FZR1: variants seen among roughly 807,000 people sequenced by gnomAD.
FZR1 encodes fizzy and cell division cycle 20 related 1.
FZR1 carries 11 observed loss-of-function variants against 63.6 expected under a neutral mutation model. The ratio of observed to expected loss-of-function variants is 0.17; its 90% CI spans 0.11 to 0.29. The LOEUF is 0.29. FZR1 is among the 10% of genes least tolerant of loss of function. The probability of loss-of-function intolerance (pLI) is 1.00; values close to 1 mark genes in which losing one functional copy is unlikely to be tolerated. For synonymous variants in FZR1, 328 were observed against 297.9 expected, an observed-to-expected ratio of 1.10 and a Z score of -1.04; for missense variants, 440 against 687.5, an observed-to-expected ratio of 0.64 and a Z score of 4.03.
Position 3,526,488 on chromosome 19 carries a change from G to A in FZR1, c.387+102G>A, listed in dbSNP as rs985381245. ...CTCTGCCTCCCCGAGCCCGGTTCTC[G>A]GGCCCAGCCACGGCTCAGCACCCCC... On this transcript the variant is annotated intron_variant, in intron 5 of 13. Coordinates refer to ENST00000441788, the MANE Select transcript of FZR1 (RefSeq NM_016263.4). This position sits in a 1 kb window ranked among gnomAD's most constrained non-coding sequence, Gnocchi z 5.4. 2.6e-5 allele frequency: 25 copies of A among 970,810 alleles called. No homozygotes were observed. The highest frequency in any genetic ancestry group is 6.4e-4 in the Middle Eastern group (2 of 3,132). 60.1% of individuals were successfully genotyped at this position (970,810 alleles called of 1,614,324 possible).
intron 1 of FZR1, among the ~76,000 whole-genome samples, chr19:3,506,691 C>T (rs1449791254): frequency 6.6e-6 from 1 of 152,002 alleles, no homozygotes; most frequent in African/African-American, 2.4e-5. Flanking sequence ...CAAATCCCAG[C>T]GTCCCCCCCA....
chr19:3,522,936 T>C lies in FZR1; in HGVS notation c.-34-20T>C. 7.7e-7 allele frequency: 1 copy of C among 1,296,814 alleles called. No individual in the cohort carries two copies. Among genetic ancestry groups the C allele is most frequent in the Non-Finnish European group, 1.1e-6 (1 of 891,408 alleles). 80.3% of individuals were successfully genotyped at this position (1,296,814 alleles called of 1,614,324 possible). ...CAGCCGGCCCTGCCCCACTCACCTC[T>C]CCTGCCCTTCCCGCTGCAGGCTAAC... On this transcript the variant is annotated intron_variant, in intron 1 of 13. Coordinates refer to ENST00000441788, the MANE Select transcript of FZR1 (RefSeq NM_016263.4).
intron 1 of FZR1, among the ~76,000 whole-genome samples, chr19:3,506,817 A>G (rs1194081595): frequency 6.6e-6 from 1 of 151,836 alleles, no homozygotes; most frequent in Non-Finnish European, 1.5e-5. Flanking sequence ...ACCCCCAACC[A>G]GGGGACCCCA....
intron 1 of FZR1, among the ~76,000 whole-genome samples, chr19:3,507,338 C>A (rs1599768202): frequency 6.6e-6 from 1 of 151,998 alleles, no homozygotes; most frequent in East Asian, 1.9e-4. Context: ...GTGTGCCCCC[C>A]ATTCAGAGCC....
chr19:3,511,274 G>A (rs186532509), intron 1 of FZR1, among the ~76,000 whole-genome samples: 1 of 152,340 alleles, frequency 6.6e-6, no homozygotes. Context: ...GGCACCATTT[G>A]GAAGTGTGGA....
chr19:3,522,242 C>T (rs1377010739), intron 1 of FZR1, among the ~76,000 whole-genome samples: 2 of 152,186 alleles, frequency 1.3e-5, no homozygotes. Context: ...CTTGTACAAA[C>T]CCCCTTCCTG....
At chr19:3,534,040 T>G (rs758047042) in intron 12 of FZR1, among the ~76,000 whole-genome samples, 1 of 151,310 alleles carries the variant, frequency 6.6e-6, no homozygotes, top group Non-Finnish European at 1.5e-5. Context: ...CTGGGCAACA[T>G]AGCAAGACCC....
intron 7 of FZR1, among the ~76,000 whole-genome samples, chr19:3,530,196 GGATGGGAGAGCA>G (rs1157559197): frequency 1.6e-5 from 2 of 126,306 alleles, no homozygotes; most frequent in South Asian, 2.8e-4. Flanking sequence ...ATGGTTGAGC[GGATGGGAGAGCA>G]GATGGGAGAG....
intron 6 of FZR1, 140 bp downstream of exon 6, chr19:3,527,202 G>A (rs571090899): frequency 1.4e-6 from 1 of 727,678 alleles, no homozygotes; most frequent in East Asian, 2.6e-5. Flanking sequence ...GGGCATAGTG[G>A]CCTGGAGCTG....
chr19:3,523,937 C>T (rs971427252), intron 2 of FZR1, among the ~76,000 whole-genome samples: 6 of 152,352 alleles, frequency 3.9e-5, no homozygotes, highest in Non-Finnish European at 8.8e-5. Context: ...GCCGCCTTCT[C>T]CCCCTGTGCG....
Position 3,516,172 on chromosome 19 carries a change from T to G in FZR1, c.-34-6784T>G, listed in dbSNP as rs1199455769. Among the ~76,000 whole-genome samples the G allele has an allele frequency of 6.6e-6, 1 of 152,190 alleles. No homozygotes were observed. Among genetic ancestry groups the G allele is most frequent in the Non-Finnish European group, 1.5e-5 (1 of 68,030 alleles). On this transcript the variant is annotated intron_variant, in intron 1 of 13. Coordinates refer to ENST00000441788, the MANE Select transcript of FZR1 (RefSeq NM_016263.4). This position sits in a 1 kb window ranked among gnomAD's most constrained non-coding sequence, Gnocchi z 6.0. Reference sequence around the variant, plus strand: ...GTTTGCAGCTTCTGCCAACCATGAGTGCGTGTGGCTGTCTCTCCCCACGCC... The same window carrying G: ...GTTTGCAGCTTCTGCCAACCATGAGGGCGTGTGGCTGTCTCTCCCCACGCC...
In FZR1 at chr19:3,533,583, C is replaced by T; in HGVS notation, c.1347+185C>T. 1 of 586,540 alleles carries T rather than the reference C, an allele frequency of 1.7e-6. No homozygotes were observed. The highest frequency in any genetic ancestry group is 2.0e-5 in the South Asian group (1 of 49,554). The allele number at this position is 586,540 out of a possible 1,614,324, so 36.3% of individuals were successfully genotyped here. On this transcript the variant is annotated intron_variant, in intron 12 of 13. Transcript: ENST00000441788. This position sits in a 1 kb window ranked among gnomAD's most constrained non-coding sequence, Gnocchi z 4.9. ...TGTGTTGCCAGCGTTGGAATGGGCT[C>T]TACCGAACTCCCCAGCCCTGCAGGT... is the stretch of plus-strand genomic sequence containing the variant.
In FZR1 at chr19:3,533,026, T is replaced by C. The variant is rs778653834; in HGVS notation, c.1243-268T>C. On this transcript the variant is annotated intron_variant, in intron 11 of 13. Transcript: ENST00000441788. This position sits in a 1 kb window ranked among gnomAD's most constrained non-coding sequence, Gnocchi z 4.9. The stretch of plus-strand genomic sequence containing the variant: ...TCACCAGGACAGTCTCGGGGGTGAC[T>C]TGCAGGTGGGGCAGAGGGGCTGTGG... Among the ~76,000 whole-genome samples the C allele has an allele frequency of 1.3e-5, 2 of 151,892 alleles. No homozygotes were observed. The highest frequency in any genetic ancestry group is 2.9e-5 in the Non-Finnish European group (2 of 67,936).
In FZR1 at chr19:3,535,153, C is replaced by G; in HGVS notation, c.*317C>G. 2.3e-6 allele frequency: 1 copy of G among 429,298 alleles called. No individual in the cohort carries two copies. The highest frequency in any genetic ancestry group is 4.3e-6 in the Non-Finnish European group (1 of 232,464). 26.6% of individuals were successfully genotyped at this position (429,298 alleles called of 1,614,324 possible). A position where few individuals can be genotyped will look rare whatever the true frequency, so the allele number is the denominator to read the frequency against. The stretch of plus-strand genomic sequence containing the variant: ...AGAGCGACGGATGCCCCCTGGGACC[C>G]TCACTGCCTCCGTCTGTTCATCACC... On this transcript the variant is annotated 3_prime_UTR_variant, in exon 14 of 14. Coordinates refer to ENST00000441788, the MANE Select transcript of FZR1 (RefSeq NM_016263.4).
intron 1 of FZR1, among the ~76,000 whole-genome samples, chr19:3,513,115 T>C (rs2083035431): frequency 6.6e-6 from 1 of 151,848 alleles, no homozygotes; most frequent in South Asian, 2.1e-4. Context: ...TGGGGACACC[T>C]GGGACCCCTC....
Position 3,515,766 on chromosome 19 carries a change from TA to T in FZR1, c.-34-7174del, listed in dbSNP as rs11357702. On this transcript the variant is annotated intron_variant, in intron 1 of 13. Transcript: ENST00000441788. This position sits in a 1 kb window ranked among gnomAD's most constrained non-coding sequence, Gnocchi z 4.6. ...GGGTGACAGAGCCAGACTCCGTCTC[TA>T]AAAAAAAAAAAAAAAGGAATTCAAG... Among the ~76,000 whole-genome samples, 74,231 of 134,324 alleles carry T rather than the reference TA, an allele frequency of 0.55. 20,849 individuals are homozygous for T. The highest frequency in any genetic ancestry group is 0.82 in the East Asian group (3,864 of 4,722). The allele number at this position is 134,324 out of a possible 152,430, so 88.1% of individuals were successfully genotyped here.
Position 3,538,070 on chromosome 19 carries a change from CAG to C in FZR1, c.*3235_*3236del, listed in dbSNP as rs956167054. On this transcript the variant is annotated 3_prime_UTR_variant, in exon 14 of 14. Coordinates refer to ENST00000441788, the MANE Select transcript of FZR1 (RefSeq NM_016263.4). Reference sequence around the variant, plus strand: ...AGGGCGTGCAGGGCCTTGTGGGCCTCAGGGAGGACTTGGGCACCTACGCCGAG... The same window carrying C: ...AGGGCGTGCAGGGCCTTGTGGGCCTCGGAGGACTTGGGCACCTACGCCGAG... The C allele has an allele frequency of 6.5e-6, 1 of 154,274 alleles. No homozygotes were observed. The highest frequency in any genetic ancestry group is 2.4e-5 in the African/African-American group (1 of 41,370). 9.6% of individuals were successfully genotyped at this position (154,274 alleles called of 1,614,324 possible). A position where few individuals can be genotyped will look rare whatever the true frequency, so the allele number is the denominator to read the frequency against.
At chr19:3,513,868 C>A (rs557757821) in intron 1 of FZR1, among the ~76,000 whole-genome samples, 1 of 152,246 alleles carries the variant, frequency 6.6e-6, no homozygotes, top group Admixed American at 6.5e-5. Context: ...CCATAGGTGG[C>A]ACATCCAGAC....
At chr19:3,520,441 A>C (rs140267414) in intron 1 of FZR1, among the ~76,000 whole-genome samples, 13 of 152,180 alleles carry the variant, frequency 8.5e-5, no homozygotes, top group Non-Finnish European at 1.9e-4. Flanking sequence ...TGGGCCTTCT[A>C]TGTGGTCGTG....
Sources: allele counts gnomAD v4.1 joint callset (sites outside exome capture counted in the v4.1 genomes callset), GRCh38; gene constraint gnomAD v4.1.1; non-coding constraint Gnocchi (gnomAD v3.1); transcripts MANE v1.5; gene names NCBI Gene and HGNC (gene_info 2026-07-23, HGNC 2026-07-21).